Variants in RNF217 observed in about 807,000 individuals in gnomAD.
The protein encoded by RNF217 is E3 ubiquitin-protein ligase RNF217.
RNF217 carries 31 observed loss-of-function variants against 57.8 expected under a neutral mutation model. That is an observed-to-expected ratio of 0.54 (90% confidence interval 0.40 to 0.72). The LOEUF (loss-of-function observed/expected upper bound fraction) is 0.72, where lower values mean the gene tolerates loss of function less well. Among genes scored for constraint, RNF217 ranks in the 30% least tolerant of loss-of-function variants. RNF217 has a pLI of 0.00. For missense variants in RNF217, 696 were observed against 708.3 expected, an observed-to-expected ratio of 0.98 and a Z score of 0.20; for synonymous variants, 313 against 294.0, an observed-to-expected ratio of 1.06 and a Z score of -0.66.
chr6:125,009,256 A>G (rs1785323819), intron 1 of RNF217: 1 of 1,611,774 alleles, frequency 6.2e-7, no homozygotes, highest in Non-Finnish European at 8.5e-7. Context: ...ATCCACACCC[A>G]TAAACCAGTT....
intron 2 of RNF217, among the ~76,000 whole-genome samples, chr6:125,055,746 A>T (rs572349107): frequency 2.2e-4 from 33 of 152,160 alleles, no homozygotes; most frequent in African/African-American, 7.5e-4. Context: ...AGGAAAAGCA[A>T]TTTTTTTCCT....
chr6:125,043,236 G>T (rs1457632711), intron 1 of RNF217, among the ~76,000 whole-genome samples: 2 of 151,984 alleles, frequency 1.3e-5, no homozygotes, highest in Non-Finnish European at 2.9e-5. Flanking sequence ...TGATCCAATT[G>T]GGGTATGCTA....
chr6:125,076,890 C>T (rs750882032), intron 4 of RNF217, 32 bp downstream of exon 4: 183 of 1,574,434 alleles, frequency 1.2e-4, no homozygotes, highest in Non-Finnish European at 1.5e-4. Flanking sequence ...GGGTGTCTTC[C>T]CTGGGAATTA....
chr6:124,965,700 C>T (rs546596347), intron 1 of RNF217, among the ~76,000 whole-genome samples: 17 of 152,302 alleles, frequency 1.1e-4, no homozygotes, highest in Admixed American at 2.6e-4. Flanking sequence ...AGGTTCCCTC[C>T]ATGGCCCTCT....
intron 2 of RNF217, among the ~76,000 whole-genome samples, chr6:125,057,088 C>T (rs1369593797): frequency 1.3e-5 from 2 of 152,150 alleles, no homozygotes; most frequent in Non-Finnish European, 1.5e-5. Context: ...GCCTGCCTTA[C>T]GTTGGTAGCA....
chr6:125,005,231 T>C (rs931391831), intron 1 of RNF217, among the ~76,000 whole-genome samples: 5 of 152,196 alleles, frequency 3.3e-5, no homozygotes, highest in African/African-American at 1.2e-4. Flanking sequence ...TTATAACTAC[T>C]ATGGAAAGGA....
At chr6:125,019,718 G>A (rs1198952271) in intron 1 of RNF217, among the ~76,000 whole-genome samples, 1 of 151,450 alleles carries the variant, frequency 6.6e-6, no homozygotes, top group East Asian at 1.9e-4. Context: ...GGTGCCCTCT[G>A]TCTTTCTCCA....
At chr6:125,035,139 G>T (rs1363119855) in intron 1 of RNF217, among the ~76,000 whole-genome samples, 1 of 152,214 alleles carries the variant, frequency 6.6e-6, no homozygotes, top group Non-Finnish European at 1.5e-5. Context: ...GATGTCATCT[G>T]CAAACAGGGA....
At chr6:125,074,146 T>C (rs1788258427) in intron 3 of RNF217, among the ~76,000 whole-genome samples, 1 of 152,136 alleles carries the variant, frequency 6.6e-6, no homozygotes, top group African/African-American at 2.4e-5. Flanking sequence ...TGCCAGCCAA[T>C]TGACAAACTT....
chr6:125,036,762 T>C (rs1786640090), intron 1 of RNF217, among the ~76,000 whole-genome samples: 1 of 151,874 alleles, frequency 6.6e-6, no homozygotes, highest in Non-Finnish European at 1.5e-5. Flanking sequence ...CATGAAAAAA[T>C]GCTCATCATC....
chr6:124,996,087 G>T (rs1784740936), intron 1 of RNF217, among the ~76,000 whole-genome samples: 2 of 151,980 alleles, frequency 1.3e-5, no homozygotes, highest in African/African-American at 4.8e-5. Flanking sequence ...ACCTGGCTTG[G>T]TATTGCCAAA....
chr6:125,028,926 A>G (rs1281656995), intron 1 of RNF217, among the ~76,000 whole-genome samples: 2 of 152,110 alleles, frequency 1.3e-5, no homozygotes, highest in East Asian at 3.9e-4. Context: ...ATTTCAATCA[A>G]ACTTCATATT....
At chr6:125,023,685 A>T (rs567934124) in intron 1 of RNF217, among the ~76,000 whole-genome samples, 2 of 152,340 alleles carry the variant, frequency 1.3e-5, no homozygotes, top group African/African-American at 4.8e-5. Flanking sequence ...GTGCCCATTG[A>T]TAGATGAGTG....
intron 1 of RNF217, among the ~76,000 whole-genome samples, chr6:125,036,332 G>A (rs1786615080): frequency 6.6e-6 from 1 of 152,076 alleles, no homozygotes; most frequent in Non-Finnish European, 1.5e-5. Flanking sequence ...ATCATTGATG[G>A]GCATTTGGGT....
intron 1 of RNF217, among the ~76,000 whole-genome samples, chr6:125,001,400 A>C (rs1334329863): frequency 2.0e-5 from 3 of 152,182 alleles, no homozygotes; most frequent in Non-Finnish European, 4.4e-5. Context: ...AGAACGGTAG[A>C]ATGAAGGAAC....
intron 1 of RNF217, among the ~76,000 whole-genome samples, chr6:125,039,311 T>A (rs1786780015): frequency 1.3e-5 from 2 of 152,026 alleles, no homozygotes; most frequent in Admixed American, 1.3e-4. Context: ...TAGTCTCTGA[T>A]TAAACAGACC....
intron 1 of RNF217, among the ~76,000 whole-genome samples, chr6:124,987,913 A>T (rs1001951684): frequency 6.6e-6 from 1 of 152,182 alleles, no homozygotes; most frequent in African/African-American, 2.4e-5. Context: ...GGATTAATTA[A>T]CATACATTAG....
chr6:125,019,971 C>A (rs529876263), intron 1 of RNF217, among the ~76,000 whole-genome samples: 2 of 152,064 alleles, frequency 1.3e-5, no homozygotes, highest in Non-Finnish European at 2.9e-5. Context: ...TAACCCTGGG[C>A]GAGGGACTCC....
intron 1 of RNF217, among the ~76,000 whole-genome samples, chr6:124,976,563 T>C (rs928390101): frequency 1.3e-5 from 2 of 151,404 alleles, no homozygotes; most frequent in African/African-American, 4.9e-5. Flanking sequence ...CCACCACGCT[T>C]GGCCTATTTA....
Sources: gnomAD v4.1 joint callset for allele counts (sites outside exome capture counted in the v4.1 genomes callset) on GRCh38, gnomAD v4.1.1 for gene constraint, MANE v1.5 for transcripts, NCBI Gene and HGNC (gene_info 2026-07-23, HGNC 2026-07-21) for gene names.